Variants in GRIK4 observed in about 807,000 individuals in gnomAD.
The protein encoded by GRIK4 is glutamate ionotropic receptor kainate type subunit 4, also known as glutamate receptor ionotropic, kainate 4.
GRIK4 carries 40 observed loss-of-function variants against 104.9 expected under a neutral mutation model. That is an observed-to-expected ratio of 0.38 (90% CI 0.30 to 0.50). GRIK4 has a LOEUF of 0.50. Ranked by LOEUF, GRIK4 falls within the 20% of genes least tolerant of loss-of-function variation. The pLI is 0.93. For missense variants in GRIK4, 1,047 were observed against 1,308.1 expected, an observed-to-expected ratio of 0.80 and a Z score of 3.08; for synonymous variants, 485 against 524.9, an observed-to-expected ratio of 0.92 and a Z score of 1.04.
chr11:120,638,810 G>C (rs1949432569), intron 1 of GRIK4, among the ~76,000 whole-genome samples: 1 of 152,204 alleles, frequency 6.6e-6, no homozygotes, highest in Non-Finnish European at 1.5e-5. Context: ...CGGTGAGCAA[G>C]GGCCTGCCTT....
chr11:120,788,062 G>A (rs1389022032), intron 3 of GRIK4, among the ~76,000 whole-genome samples: 1 of 150,208 alleles, frequency 6.7e-6, no homozygotes, highest in Non-Finnish European at 1.5e-5. Flanking sequence ...GTAGAGATGG[G>A]GTTTCACCAT....
chr11:120,539,805 C>T (rs1948014483), intron 1 of GRIK4, among the ~76,000 whole-genome samples: 1 of 152,156 alleles, frequency 6.6e-6, no homozygotes, highest in African/African-American at 2.4e-5. Flanking sequence ...CTTAATGGAG[C>T]TCCTGGAGGG....
At chr11:120,633,036 A>C (rs1949350436) in intron 1 of GRIK4, among the ~76,000 whole-genome samples, 1 of 152,052 alleles carries the variant, frequency 6.6e-6, no homozygotes, top group Non-Finnish European at 1.5e-5. Flanking sequence ...GCACACAAAC[A>C]GATGATGGCA....
intron 3 of GRIK4, among the ~76,000 whole-genome samples, chr11:120,725,178 T>A (rs753126129): frequency 2.0e-5 from 3 of 152,222 alleles, no homozygotes; most frequent in Admixed American, 1.3e-4. Flanking sequence ...TTGATTTGAA[T>A]AAGAGTTGAG....
intron 1 of GRIK4, among the ~76,000 whole-genome samples, chr11:120,538,141 T>C (rs1383946916): frequency 1.3e-5 from 2 of 152,266 alleles, no homozygotes; most frequent in African/African-American, 4.8e-5. Flanking sequence ...CGGCCTGACC[T>C]GCTCACGGCC....
intron 11 of GRIK4, among the ~76,000 whole-genome samples, chr11:120,887,287 C>T (rs926644974): frequency 6.6e-6 from 1 of 152,140 alleles, no homozygotes; most frequent in East Asian, 1.9e-4. Flanking sequence ...CAGTGCTGCC[C>T]GTGGCCTCCT....
chr11:120,680,911 A>G (rs1005379278), intron 3 of GRIK4, among the ~76,000 whole-genome samples: 1 of 152,152 alleles, frequency 6.6e-6, no homozygotes. Context: ...TGGCCTTTTC[A>G]GTTACGGCAA....
chr11:120,960,344 T>C (rs142524122), intron 16 of GRIK4, among the ~76,000 whole-genome samples: 1 of 152,244 alleles, frequency 6.6e-6, no homozygotes, highest in Non-Finnish European at 1.5e-5. Flanking sequence ...AAACAAAGAA[T>C]GTATCACTGT....
rs377376046 is a variant in GRIK4 at position 120,824,552 on chromosome 11, TC to T, written c.511+4633del. Among the ~76,000 whole-genome samples, 73 of 137,174 alleles carry T rather than the reference TC, an allele frequency of 5.3e-4. 1 individual carries two copies. Among genetic ancestry groups the T allele is most frequent in the African/African-American group, 1.5e-3 (59 of 38,564 alleles). The allele number at this position is 137,174 out of a possible 152,430, so 90.0% of individuals were successfully genotyped here. On this transcript the variant is annotated intron_variant, in intron 6 of 20. Coordinates refer to ENST00000527524, the MANE Select transcript of GRIK4 (RefSeq NM_014619.5). ...TTTTTTCCTTCTTTTTTTTTTCTTT[TC>T]TTTTTTTTTTTTTTTTGACAAGGTC...
chr11:120,851,111 G>C (rs1953963173), intron 8 of GRIK4, among the ~76,000 whole-genome samples: 1 of 152,104 alleles, frequency 6.6e-6, no homozygotes, highest in Non-Finnish European at 1.5e-5. Context: ...CAAGAGTTGA[G>C]ATAGTCCTAA....
In GRIK4 at chr11:120,635,035, GT is replaced by G. The variant is rs1378766141; in HGVS notation, c.-158-18647del. ...AGGACCTTGAGCAGCTATGGGGCTT[GT>G]TTCTTGCCTTCTTTCCGTTTTCCAG... On this transcript the variant is annotated intron_variant, in intron 1 of 20. Transcript: ENST00000527524. Among the ~76,000 whole-genome samples the G allele has an allele frequency of 2.0e-5, 3 of 152,282 alleles. No individual in the cohort carries two copies. In the South Asian group the frequency reaches 6.2e-4, roughly 32 times the overall value.
rs528402347 is a variant in GRIK4 at position 120,911,480 on chromosome 11, G to A, written c.1476+5987G>A. Reference sequence around the variant, plus strand: ...TCTCGATCTCCTGACCTCGTGATCCGCCCGTCTCGGCCTCCCAAAGTGCTG... The same window carrying A: ...TCTCGATCTCCTGACCTCGTGATCCACCCGTCTCGGCCTCCCAAAGTGCTG... On this transcript the variant is annotated intron_variant, in intron 13 of 20. Transcript: ENST00000527524. 1.1e-3 allele frequency among the ~76,000 whole-genome samples: 162 copies of A among 147,814 alleles called. 2 individuals are homozygous for A. The highest frequency in any genetic ancestry group is 6.9e-3 in the Middle Eastern group (2 of 290).
intron 6 of GRIK4, among the ~76,000 whole-genome samples, chr11:120,825,036 T>C (rs541783078): frequency 3.3e-5 from 5 of 152,202 alleles, no homozygotes; most frequent in African/African-American, 1.2e-4. Context: ...GCGATTCTCC[T>C]GCCTCACCCT....
intron 11 of GRIK4, among the ~76,000 whole-genome samples, chr11:120,881,490 T>G (rs1954967286): frequency 6.6e-6 from 1 of 152,214 alleles, no homozygotes; most frequent in African/African-American, 2.4e-5. Flanking sequence ...GCCAGACTTT[T>G]GTTTTCCAAA....
At position 120,930,219 on chromosome 11, in the gene GRIK4, G is replaced by A. The variant is rs193091556; in HGVS notation, c.1477-10128G>A. ...AAATGATGAACCTCTCTGGGTCTCAGCGTCTTTGTCTCCAAAACAGGGCTA... is the reference window on the plus strand; with the variant it reads ...AAATGATGAACCTCTCTGGGTCTCAACGTCTTTGTCTCCAAAACAGGGCTA... On this transcript the variant is annotated intron_variant, in intron 13 of 20. Coordinates refer to ENST00000527524, the MANE Select transcript of GRIK4 (RefSeq NM_014619.5). 8.2e-4 allele frequency among the ~76,000 whole-genome samples: 125 copies of A among 152,332 alleles called. 1 individual carries two copies. The highest frequency in any genetic ancestry group is 2.8e-3 in the African/African-American group (118 of 41,564).
At position 120,823,612 on chromosome 11, in the gene GRIK4, T is replaced by C. The variant is rs118087878; in HGVS notation, c.511+3692T>C. On this transcript the variant is annotated intron_variant, in intron 6 of 20. Transcript: ENST00000527524. ...TCTCCATGACCCCCTTCCACCATCATGGTCTGCACAAACAGCCCTGGAGCA... is the reference window on the plus strand; with the variant it reads ...TCTCCATGACCCCCTTCCACCATCACGGTCTGCACAAACAGCCCTGGAGCA... Among the ~76,000 whole-genome samples the C allele has an allele frequency of 3.9e-5, 6 of 152,280 alleles. No homozygotes were observed. The East Asian group carries it at 9.6e-4, about 24-fold the overall frequency.
chr11:120,928,989 G>A (rs1372630107), intron 13 of GRIK4, among the ~76,000 whole-genome samples: 2 of 139,506 alleles, frequency 1.4e-5, no homozygotes, highest in African/African-American at 6.3e-5. Flanking sequence ...GTGTGTGTGT[G>A]CGCGCGTGCA....
chr11:120,667,439 G>A (rs184277239), intron 3 of GRIK4, among the ~76,000 whole-genome samples: 18 of 152,398 alleles, frequency 1.2e-4, no homozygotes, highest in African/African-American at 2.9e-4. Context: ...GACCTCAGCC[G>A]AGTGCCTGCG....
intron 13 of GRIK4, among the ~76,000 whole-genome samples, chr11:120,910,990 A>C (rs1942978135): frequency 6.6e-6 from 1 of 152,158 alleles, no homozygotes; most frequent in Non-Finnish European, 1.5e-5. Context: ...ATGAAGGTGC[A>C]GGGGTAGATT....
Sources: allele counts gnomAD v4.1 joint callset (sites outside exome capture counted in the v4.1 genomes callset), GRCh38; gene constraint gnomAD v4.1.1; transcripts MANE v1.5; gene names NCBI Gene and HGNC (gene_info 2026-07-23, HGNC 2026-07-21).